Variants in PHF14 observed in about 807,000 individuals in gnomAD.
PHF14 encodes PHD finger protein 14.
In PHF14, 55 loss-of-function variants were observed where a neutral mutation model predicts 117.9. That is an observed-to-expected ratio of 0.47 (90% confidence interval 0.38 to 0.58). The LOEUF is 0.58. PHF14 is among the 20% of genes least tolerant of loss of function. The pLI, the probability that PHF14 is intolerant of heterozygous loss-of-function variation, is 0.00. For synonymous variants in PHF14, 409 were observed against 368.6 expected (o/e 1.11, Z -1.26); for missense variants, 978 against 1,122.2 (o/e 0.87, Z 1.84).
chr7:11,096,664 A>G (rs570401417), intron 16 of PHF14, among the ~76,000 whole-genome samples: 83 of 152,322 alleles, frequency 5.4e-4, no homozygotes, highest in African/African-American at 1.9e-3. Flanking sequence ...AAAGAAAAAG[A>G]TAAAGCAGAT....
intron 4 of PHF14, among the ~76,000 whole-genome samples, chr7:11,011,471 A>C (rs1783356326): frequency 6.6e-6 from 1 of 152,218 alleles, no homozygotes. Context: ...TGGCTTATTT[A>C]ATGTCATCAG....
Position 11,075,710 on chromosome 7 carries a change from A to G in PHF14, c.2654+13625A>G, listed in dbSNP as rs117535227. ...TTTGGAGGAGACATATATCCAAACT[A>G]TATCAATATGTATCAGGTATCTTAT... On this transcript the variant is annotated intron_variant, in intron 16 of 17. Transcript: ENST00000634607. Among the ~76,000 whole-genome samples, 224 of 152,120 alleles carry G rather than the reference A, an allele frequency of 1.5e-3. 1 individual carries two copies. The highest frequency in any genetic ancestry group is 2.3e-3 in the Non-Finnish European group (154 of 68,010).
At chr7:11,121,884 G>T (rs1195703872) in intron 17 of PHF14, among the ~76,000 whole-genome samples, 1 of 151,428 alleles carries the variant, frequency 6.6e-6, no homozygotes, top group African/African-American at 2.4e-5. Flanking sequence ...TCTGGGGTAC[G>T]TGTCCAGAAC....
intron 17 of PHF14, among the ~76,000 whole-genome samples, chr7:11,121,436 C>G (rs1436480662): frequency 6.6e-6 from 1 of 152,112 alleles, no homozygotes; most frequent in African/African-American, 2.4e-5. Context: ...GAAAGGTAGA[C>G]TCTCAGTACA....
At chr7:10,994,629 T>C (rs1262284263) in intron 4 of PHF14, among the ~76,000 whole-genome samples, 4 of 152,158 alleles carry the variant, frequency 2.6e-5, no homozygotes, top group African/African-American at 9.7e-5. Context: ...GGTGGGTTCT[T>C]GGTTTCACTA....
chr7:11,017,167 T>A (rs570469127), intron 5 of PHF14, among the ~76,000 whole-genome samples: 43 of 152,066 alleles, frequency 2.8e-4, no homozygotes, highest in Non-Finnish European at 5.6e-4. Context: ...AAACTTAGGT[T>A]GCTTCCAAAT....
intron 17 of PHF14, among the ~76,000 whole-genome samples, chr7:11,168,185 A>G (rs1171661795): frequency 6.6e-6 from 1 of 152,208 alleles, no homozygotes; most frequent in African/African-American, 2.4e-5. Flanking sequence ...TTGGAAAAAT[A>G]TATCAAAGTT....
At chr7:11,067,913 TCA>T (rs113534213) in intron 16 of PHF14, among the ~76,000 whole-genome samples, 22 of 152,244 alleles carry the variant, frequency 1.4e-4, no homozygotes, top group African/African-American at 5.1e-4. Flanking sequence ...AATAATCTCT[TCA>T]TGAAGGATTC....
At chr7:11,044,174 G>A (rs912068915) in intron 13 of PHF14, among the ~76,000 whole-genome samples, 1 of 152,106 alleles carries the variant, frequency 6.6e-6, no homozygotes, top group African/African-American at 2.4e-5. Context: ...CTAGAATGGG[G>A]AGGGAGGGGA....
chr7:11,064,687 A>G (rs1460459143), intron 16 of PHF14, among the ~76,000 whole-genome samples: 1 of 152,006 alleles, frequency 6.6e-6, no homozygotes, highest in African/African-American at 2.4e-5. Context: ...TTGTGAATTT[A>G]TATGTATAAT....
chr7:11,129,628 G>A (rs1788033607), intron 17 of PHF14, among the ~76,000 whole-genome samples: 1 of 138,204 alleles, frequency 7.2e-6, no homozygotes, highest in South Asian at 2.3e-4. Flanking sequence ...TCTTTCTGTT[G>A]ATGGACCTAC....
At chr7:11,165,175 G>A (rs112309490) in intron 17 of PHF14, among the ~76,000 whole-genome samples, 80 of 152,226 alleles carry the variant, frequency 5.3e-4, no homozygotes, top group Middle Eastern at 3.4e-3. Context: ...CGCCTGCCTC[G>A]GCCTCCCAAA....
chr7:11,149,170 T>C (rs1788637674), intron 17 of PHF14, among the ~76,000 whole-genome samples: 1 of 148,956 alleles, frequency 6.7e-6, no homozygotes, highest in Non-Finnish European at 1.5e-5. Flanking sequence ...GCTGTGCTCA[T>C]GTAGATGTTT....
chr7:11,064,323 C>G (rs991056841), intron 16 of PHF14, among the ~76,000 whole-genome samples: 3 of 151,892 alleles, frequency 2.0e-5, no homozygotes, highest in African/African-American at 7.2e-5. Flanking sequence ...AAAGTCTACA[C>G]TTTTTTATTA....
chr7:11,164,824 G>C (rs896032866), intron 17 of PHF14, among the ~76,000 whole-genome samples: 1 of 152,104 alleles, frequency 6.6e-6, no homozygotes, highest in Non-Finnish European at 1.5e-5. Context: ...TCTCACTAAT[G>C]TCCTTTTTAT....
Position 11,042,663 on chromosome 7 carries a change from C to G in PHF14, c.2181-20C>G. ...ATGATAATTATTATTGAAATCTTTA[C>G]TTGCTGCCTTTATTAAAAGTTGTGG... On this transcript the variant is annotated intron_variant, in intron 12 of 17. Coordinates refer to ENST00000634607, the MANE Select transcript of PHF14 (RefSeq NM_001007157.2). The G allele has an allele frequency of 6.5e-7, 1 of 1,527,776 alleles. No homozygotes were observed. The highest frequency in any genetic ancestry group is 8.9e-7 in the Non-Finnish European group (1 of 1,129,106). 94.6% of individuals were successfully genotyped at this position (1,527,776 alleles called of 1,614,324 possible). A position where few individuals can be genotyped will look rare whatever the true frequency, so the allele number is the denominator to read the frequency against.
At chr7:10,982,261 G>A in intron 2 of PHF14, 111 bp from the exon 3 acceptor site, 1 of 633,070 alleles carries the variant, frequency 1.6e-6, no homozygotes, top group Non-Finnish European at 2.6e-6. Flanking sequence ...TGTTTATATT[G>A]TTTTGCAAGT....
intron 4 of PHF14, among the ~76,000 whole-genome samples, chr7:11,007,180 C>A (rs540276023): frequency 6.6e-6 from 1 of 151,092 alleles, no homozygotes; most frequent in Non-Finnish European, 1.5e-5. Context: ...GTAACAAGAG[C>A]GAAACTCCGT....
chr7:11,123,939 T>C (rs556225021), intron 17 of PHF14, among the ~76,000 whole-genome samples: 1 of 152,006 alleles, frequency 6.6e-6, no homozygotes, highest in African/African-American at 2.4e-5. Context: ...AACTAGAAAG[T>C]AATAATTCAA....
Sources: gnomAD v4.1 joint callset for allele counts (sites outside exome capture counted in the v4.1 genomes callset) on GRCh38, gnomAD v4.1.1 for gene constraint, MANE v1.5 for transcripts, NCBI Gene and HGNC (gene_info 2026-07-23, HGNC 2026-07-21) for gene names.